PLXDC2: variants seen among roughly 807,000 people sequenced by gnomAD.
PLXDC2 encodes the protein plexin domain containing 2, also known as plexin domain-containing protein 2.
PLXDC2 carries 40 observed loss-of-function variants against 68.9 expected under a neutral mutation model. The observed-to-expected ratio is 0.58, with a 90% confidence interval of 0.45 to 0.76. The LOEUF (loss-of-function observed/expected upper bound fraction) is 0.76, where lower values mean the gene tolerates loss of function less well. Among genes scored for constraint, PLXDC2 ranks in the 30% least tolerant of loss-of-function variants. The pLI is 0.00. For synonymous variants in PLXDC2, 243 were observed against 234.2 expected, an observed-to-expected ratio of 1.04 and a Z score of -0.34; for missense variants, 644 against 661.9, an observed-to-expected ratio of 0.97 and a Z score of 0.30.
At chr10:20,065,321 C>A (rs150755128) in intron 3 of PLXDC2, among the ~76,000 whole-genome samples, 136 of 152,292 alleles carry the variant, frequency 8.9e-4, no homozygotes, top group Middle Eastern at 3.4e-3. Flanking sequence ...GGGACTAGTT[C>A]ATGGTGTGCC....
At chr10:20,266,979 T>G (rs367806753) in intron 13 of PLXDC2, among the ~76,000 whole-genome samples, 15 of 152,128 alleles carry the variant, frequency 9.9e-5, no homozygotes, top group African/African-American at 3.6e-4. Context: ...TAAGGAAACA[T>G]CAAACGAAGT....
intron 1 of PLXDC2, among the ~76,000 whole-genome samples, chr10:19,993,833 T>C (rs1317868827): frequency 6.6e-6 from 1 of 152,176 alleles, no homozygotes; most frequent in Non-Finnish European, 1.5e-5. Flanking sequence ...TACCCTACAA[T>C]GGCCCAAATT....
chr10:20,171,736 T>G (rs1564341182), intron 7 of PLXDC2, among the ~76,000 whole-genome samples: 5 of 152,024 alleles, frequency 3.3e-5, no homozygotes. Flanking sequence ...GGTTAAATTC[T>G]TTCTTTTATT....
intron 2 of PLXDC2, among the ~76,000 whole-genome samples, chr10:20,045,278 C>G (rs758373571): frequency 1.3e-5 from 2 of 152,084 alleles, no homozygotes; most frequent in Admixed American, 6.6e-5. Flanking sequence ...TTAAGCAGCT[C>G]TCCTACCTCA....
At chr10:20,279,615 TTAATC>T in intron 13 of PLXDC2, 83 bp from the exon 14 acceptor site, 1 of 991,768 alleles carries the variant, frequency 1.0e-6, no homozygotes, top group Non-Finnish European at 1.6e-6. Flanking sequence ...AATTCAACAT[TTAATC>T]TAAAATAGCT....
intron 4 of PLXDC2, among the ~76,000 whole-genome samples, chr10:20,110,861 C>G (rs1030283605): frequency 6.6e-6 from 1 of 152,214 alleles, no homozygotes; most frequent in African/African-American, 2.4e-5. Flanking sequence ...ATTCCCCACA[C>G]AGACTCTGTT....
At chr10:20,234,666 T>TC (rs965645072) in intron 12 of PLXDC2, among the ~76,000 whole-genome samples, 13 of 150,168 alleles carry the variant, frequency 8.7e-5, no homozygotes, top group Admixed American at 2.6e-4. Context: ...TTTCTTTCTT[T>TC]TTTTTTTTTT....
At chr10:19,836,047 C>G (rs1307463157) in intron 1 of PLXDC2, among the ~76,000 whole-genome samples, 1 of 151,906 alleles carries the variant, frequency 6.6e-6, no homozygotes, top group East Asian at 1.9e-4. Flanking sequence ...TGTGGTGGTG[C>G]ACATCTGTGG....
At chr10:20,265,822 G>A (rs2778966) in intron 13 of PLXDC2, among the ~76,000 whole-genome samples, 132,905 of 152,168 alleles carry the variant, frequency 0.87, 58,507 homozygotes, top group Middle Eastern at 0.95. Flanking sequence ...CCAAAGATGG[G>A]CAGGTGACTA....
At position 20,286,753 on chromosome 10, in the gene PLXDC2, T is replaced by C. The variant is rs4076349; in HGVS notation, c.*6934T>C. ...TTTAGTTGTTGTTTGAGATGGGGTT[T>C]TGCTCTTGTTACCCAGGCTGGAGTG... On this transcript the variant is annotated 3_prime_UTR_variant, in exon 14 of 14. Transcript: ENST00000377252. 0.24 allele frequency: 37,000 copies of C among 151,882 alleles called. 4,865 individuals carry two copies. The highest frequency in any genetic ancestry group is 0.46 in the East Asian group (2,365 of 5,102). The allele number at this position is 151,882 out of a possible 1,614,324, so 9.4% of individuals were successfully genotyped here.
At chr10:20,255,801 GTTAT>G (rs1298455599) in intron 13 of PLXDC2, among the ~76,000 whole-genome samples, 2 of 151,926 alleles carry the variant, frequency 1.3e-5, no homozygotes, top group African/African-American at 4.8e-5. Context: ...CGTGCTTTTT[GTTAT>G]TTTATTAGAA....
intron 1 of PLXDC2, among the ~76,000 whole-genome samples, chr10:19,859,635 G>T (rs1287069839): frequency 6.6e-6 from 1 of 152,164 alleles, no homozygotes; most frequent in South Asian, 2.1e-4. Flanking sequence ...AAAATGCACA[G>T]TATAGCATTT....
chr10:20,047,136 G>A lies in PLXDC2; in HGVS notation c.471+121G>A, dbSNP rs1835811730. ...AAATATTAGAATGGCCTTATCTGTG[G>A]TAATCGCTTTTCAAGTGTATTCAGT... On this transcript the variant is annotated intron_variant, in intron 3 of 13. Coordinates refer to ENST00000377252, the MANE Select transcript of PLXDC2 (RefSeq NM_032812.9). 3.0e-6 allele frequency: 3 copies of A among 1,006,774 alleles called. No homozygotes were observed. In the African/African-American group the frequency reaches 4.9e-5, roughly 17 times the overall value. 62.4% of individuals were successfully genotyped at this position (1,006,774 alleles called of 1,614,324 possible).
intron 1 of PLXDC2, among the ~76,000 whole-genome samples, chr10:19,920,850 G>T (rs1274277427): frequency 2.6e-5 from 4 of 152,140 alleles, no homozygotes; most frequent in Non-Finnish European, 5.9e-5. Context: ...GAGCTACCAT[G>T]CCCAGCCTTT....
intron 9 of PLXDC2, among the ~76,000 whole-genome samples, chr10:20,198,295 A>G (rs931174545): frequency 6.6e-6 from 1 of 152,082 alleles, no homozygotes; most frequent in Admixed American, 6.6e-5. Context: ...GTGTTTATTA[A>G]TTGTTCTTTG....
Position 20,072,411 on chromosome 10 carries a change from G to A in PLXDC2, c.541+4172G>A, listed in dbSNP as rs535797321. Among the ~76,000 whole-genome samples, 312 of 106,444 alleles carry A rather than the reference G, an allele frequency of 2.9e-3. 2 individuals carry two copies. Among genetic ancestry groups the A allele is most frequent in the Admixed American group, 5.1e-3 (60 of 11,674 alleles). The allele number at this position is 106,444 out of a possible 152,430, so 69.8% of individuals were successfully genotyped here. On this transcript the variant is annotated intron_variant, in intron 4 of 13. Transcript: ENST00000377252. ...AAAGAGGAAAGAAAGAAGAAAGAAA[G>A]AGGAAAGAAAGAGAGAAAGAAAGAA...
chr10:20,183,789 A>G (rs2131831932), intron 9 of PLXDC2, among the ~76,000 whole-genome samples: 1 of 152,082 alleles, frequency 6.6e-6, no homozygotes, highest in South Asian at 2.1e-4. Context: ...GGCTGTTACT[A>G]TCCACTGGGT....
chr10:20,267,219 G>C (rs928291459), intron 13 of PLXDC2, among the ~76,000 whole-genome samples: 1 of 151,980 alleles, frequency 6.6e-6, no homozygotes, highest in African/African-American at 2.4e-5. Flanking sequence ...ATAAATATTC[G>C]CCTTTTAAAA....
chr10:20,276,666 C>G (rs1836010761), intron 13 of PLXDC2, among the ~76,000 whole-genome samples: 1 of 152,000 alleles, frequency 6.6e-6, no homozygotes, highest in South Asian at 2.1e-4. Flanking sequence ...AGCGAGTGAC[C>G]CTGTGGCCTT....
Sources: gnomAD v4.1 joint callset for allele counts (sites outside exome capture counted in the v4.1 genomes callset) on GRCh38, gnomAD v4.1.1 for gene constraint, MANE v1.5 for transcripts, NCBI Gene and HGNC (gene_info 2026-07-23, HGNC 2026-07-21) for gene names.